CSMD2: variants seen among roughly 807,000 people sequenced by gnomAD.
The protein encoded by CSMD2 is CUB and sushi domain-containing protein 2.
In CSMD2, 130 loss-of-function variants were observed where a neutral mutation model predicts 398.5. That is an observed-to-expected ratio of 0.33 (90% confidence interval 0.28 to 0.38). CSMD2 has a LOEUF of 0.38. CSMD2 is among the 10% of genes least tolerant of loss of function. The pLI, the probability that CSMD2 is intolerant of heterozygous loss-of-function variation, is 1.00. For synonymous variants in CSMD2, 1,828 were observed against 1,908.5 expected (o/e 0.96, Z 1.10); for missense variants, 3,829 against 4,764.9 (o/e 0.80, Z 5.78).
chr1:33,596,715 G>A (rs1639862476), intron 44 of CSMD2, among the ~76,000 whole-genome samples: 1 of 152,146 alleles, frequency 6.6e-6, no homozygotes, highest in African/African-American at 2.4e-5. Context: ...ACAGGATGGA[G>A]GAAACTGGCC....
chr1:33,863,892 G>C (rs1489015985), intron 5 of CSMD2: 4 of 306,236 alleles, frequency 1.3e-5, no homozygotes, highest in Non-Finnish European at 2.4e-5. Context: ...TACTATGAAT[G>C]AACCATCATC....
At chr1:33,871,618 T>A (rs1362383533) in intron 5 of CSMD2, among the ~76,000 whole-genome samples, 1 of 152,122 alleles carries the variant, frequency 6.6e-6, no homozygotes, top group African/African-American at 2.4e-5. Flanking sequence ...AGGTCTCTCT[T>A]CTTTTGTTTT....
intron 55 of CSMD2, among the ~76,000 whole-genome samples, chr1:33,552,283 G>A (rs1268983540): frequency 6.6e-6 from 1 of 152,196 alleles, no homozygotes; most frequent in Non-Finnish European, 1.5e-5. Flanking sequence ...TGGAGAAATT[G>A]TAATCCTTAT....
chr1:33,975,685 C>A (rs1223694855), intron 3 of CSMD2, among the ~76,000 whole-genome samples: 1 of 152,108 alleles, frequency 6.6e-6, no homozygotes, highest in Non-Finnish European at 1.5e-5. Flanking sequence ...AGGGGAGGGC[C>A]TCCCCTCTGT....
intron 25 of CSMD2, among the ~76,000 whole-genome samples, chr1:33,685,534 A>C (rs1047204272): frequency 2.6e-5 from 4 of 152,188 alleles, no homozygotes; most frequent in African/African-American, 9.7e-5. Context: ...TATACTGAGA[A>C]ATCCATTCAG....
At chr1:34,143,316 C>T (rs960211027) in intron 1 of CSMD2, among the ~76,000 whole-genome samples, 9 of 152,032 alleles carry the variant, frequency 5.9e-5, no homozygotes, top group Non-Finnish European at 2.9e-5. Flanking sequence ...GAAAAACTTG[C>T]GATTGACTCT....
intron 1 of CSMD2, among the ~76,000 whole-genome samples, chr1:34,137,151 A>G (rs1198383339): frequency 1.3e-5 from 2 of 151,792 alleles, no homozygotes; most frequent in Non-Finnish European, 2.9e-5. Flanking sequence ...CCATTCTTCC[A>G]TCACCCACTA....
chr1:34,034,830 G>A (rs1481648583), intron 2 of CSMD2, among the ~76,000 whole-genome samples: 1 of 152,134 alleles, frequency 6.6e-6, no homozygotes, highest in Non-Finnish European at 1.5e-5. Context: ...TGAGAAAAGT[G>A]CAACCTGAAA....
intron 13 of CSMD2, among the ~76,000 whole-genome samples, chr1:33,766,407 C>T (rs941654830): frequency 6.6e-6 from 1 of 152,154 alleles, no homozygotes; most frequent in Non-Finnish European, 1.5e-5. Context: ...GTTCAGCACC[C>T]ACTATGATGC....
At chr1:33,922,978 T>C (rs561460270) in intron 4 of CSMD2, among the ~76,000 whole-genome samples, 1 of 152,340 alleles carries the variant, frequency 6.6e-6, no homozygotes, top group African/African-American at 2.4e-5. Context: ...CTGTGATGTT[T>C]TGATATATGT....
At chr1:33,919,100 C>T (rs1643865109) in intron 4 of CSMD2, among the ~76,000 whole-genome samples, 1 of 152,212 alleles carries the variant, frequency 6.6e-6, no homozygotes, top group South Asian at 2.1e-4. Flanking sequence ...AAAACCACCA[C>T]AGTCCAGGTG....
At chr1:33,711,822 C>A (rs1409727069) in intron 21 of CSMD2, among the ~76,000 whole-genome samples, 1 of 152,176 alleles carries the variant, frequency 6.6e-6, no homozygotes, top group African/African-American at 2.4e-5. Context: ...ACGCCTGATA[C>A]CTTTACGAGG....
At chr1:33,729,447 A>T (rs1446607499) in intron 15 of CSMD2, among the ~76,000 whole-genome samples, 1 of 145,646 alleles carries the variant, frequency 6.9e-6, no homozygotes, top group Non-Finnish European at 1.5e-5. Context: ...TTTGGAGGGG[A>T]GGATTCTTTT....
At chr1:33,566,285 G>A (rs923242843) in intron 53 of CSMD2, among the ~76,000 whole-genome samples, 2 of 132,544 alleles carry the variant, frequency 1.5e-5, no homozygotes, top group Non-Finnish European at 3.2e-5. Flanking sequence ...TTAGGATAAA[G>A]GGAAAAATAA....
chr1:34,129,520 C>A (rs935612054), intron 1 of CSMD2, among the ~76,000 whole-genome samples: 1 of 152,156 alleles, frequency 6.6e-6, no homozygotes, highest in African/African-American at 2.4e-5. Context: ...GGCATGGTGG[C>A]GGGCGCCTGT....
Position 33,533,239 on chromosome 1 carries a change from A to G in CSMD2, c.9992-10T>C. The G allele has an allele frequency of 1.2e-6, 2 of 1,613,260 alleles. No homozygotes were observed. The highest frequency in any genetic ancestry group is 1.7e-6 in the Non-Finnish European group (2 of 1,179,798). ...TGCCTGCAGTGGTGGGCTGGATGAG[A>G]GGAAAGACCCTGTTGGACTGGAGGA... On this transcript the variant is annotated splice_polypyrimidine_tract_variant and intron_variant, in intron 63 of 70. Transcript: ENST00000373381. The surrounding 1 kb of genome is among the most constrained non-coding windows in gnomAD (Gnocchi z 4.2).
At chr1:34,110,276 A>C (rs755432083) in intron 1 of CSMD2, among the ~76,000 whole-genome samples, 1 of 152,154 alleles carries the variant, frequency 6.6e-6, no homozygotes, top group East Asian at 1.9e-4. Flanking sequence ...CATTGTAGAA[A>C]GCAGTTTGGT....
chr1:33,917,099 C>T (rs904328051), intron 5 of CSMD2, among the ~76,000 whole-genome samples: 1 of 152,182 alleles, frequency 6.6e-6, no homozygotes, highest in African/African-American at 2.4e-5. Context: ...GGAGCACAGC[C>T]CCGCCAGACC....
At chr1:34,081,508 C>A (rs1258376448) in intron 2 of CSMD2, among the ~76,000 whole-genome samples, 1 of 152,076 alleles carries the variant, frequency 6.6e-6, no homozygotes, top group Non-Finnish European at 1.5e-5. Context: ...CGGCTCACTG[C>A]AACCTCCCTG....
Sources: allele counts gnomAD v4.1 joint callset (sites outside exome capture counted in the v4.1 genomes callset), GRCh38; gene constraint gnomAD v4.1.1; non-coding constraint Gnocchi (gnomAD v3.1); transcripts MANE v1.5; gene names NCBI Gene and HGNC (gene_info 2026-07-23, HGNC 2026-07-21).